CALD1: variants seen among roughly 807,000 people sequenced by gnomAD.
The protein encoded by CALD1 is caldesmon.
In CALD1, 33 loss-of-function variants were observed where a neutral mutation model predicts 99.9. The ratio of observed to expected loss-of-function variants is 0.33; its 90% CI spans 0.25 to 0.44. CALD1 has a LOEUF of 0.44. CALD1 is among the 20% of genes least tolerant of loss of function. The pLI is 1.00. For synonymous variants in CALD1, 310 were observed against 325.0 expected (o/e 0.95, Z 0.50); for missense variants, 861 against 962.1 (o/e 0.89, Z 1.39).
At chr7:134,764,812 C>T (rs1796811331) in intron 1 of CALD1, among the ~76,000 whole-genome samples, 1 of 152,060 alleles carries the variant, frequency 6.6e-6, no homozygotes. Flanking sequence ...AGACTGAAGT[C>T]ACTGAGGCAG....
chr7:134,731,061 C>T, the CALD1 span, among the ~76,000 whole-genome samples: 9 of 152,140 alleles, frequency 5.9e-5, no homozygotes, highest in African/African-American at 2.2e-4. Context: ...CTTCCTCCTC[C>T]ACAGCTAACC....
intron 3 of CALD1, among the ~76,000 whole-genome samples, chr7:134,919,172 G>C (rs946976025): frequency 6.6e-6 from 1 of 152,134 alleles, no homozygotes; most frequent in Non-Finnish European, 1.5e-5. Context: ...ATTCAGAAAT[G>C]AGCCTGTACG....
At chr7:134,958,147 G>A (rs1166892475) in intron 10 of CALD1, 35 bp downstream of exon 10, 1 of 1,607,122 alleles carries the variant, frequency 6.2e-7, no homozygotes, top group Admixed American at 1.7e-5. Context: ...GAGCTAATCA[G>A]CTAGCATATG....
intron 4 of CALD1, among the ~76,000 whole-genome samples, chr7:134,930,573 T>C (rs1805447418): frequency 6.6e-6 from 1 of 152,174 alleles, no homozygotes; most frequent in African/African-American, 2.4e-5. Flanking sequence ...GGTAGCACAA[T>C]ATTGTTTACC....
rs569907863 is a variant in CALD1 at position 134,928,694 on chromosome 7, A to G, written c.72-60A>G. On this transcript the variant is annotated intron_variant, in intron 3 of 14. Coordinates refer to ENST00000361675, the MANE Select transcript of CALD1 (RefSeq NM_033138.4). Reference sequence around the variant, plus strand: ...AGGGCTCAGGGCTGTTCCTGCCAAGAGGTTGGTGAAGACACGTGGCAAGTG... The same window carrying G: ...AGGGCTCAGGGCTGTTCCTGCCAAGGGGTTGGTGAAGACACGTGGCAAGTG... 90 of 1,540,344 alleles carry G rather than the reference A, an allele frequency of 5.8e-5. No homozygotes were observed. The East Asian group carries it at 1.4e-3, about 23-fold the overall frequency.
intron 1 of CALD1, among the ~76,000 whole-genome samples, chr7:134,751,061 T>A (rs1034202342): frequency 4.6e-5 from 7 of 152,196 alleles, no homozygotes; most frequent in African/African-American, 1.7e-4. Context: ...TCACTTACAA[T>A]GCACACTGAG....
chr7:134,750,227 A>AC (rs1254033163), intron 1 of CALD1, among the ~76,000 whole-genome samples: 1 of 150,638 alleles, frequency 6.6e-6, no homozygotes, highest in Non-Finnish European at 1.5e-5. Context: ...GGAGCAAGGA[A>AC]CCCCTGTCCC....
chr7:134,960,209 G>A (rs988669910), intron 12 of CALD1, 98 bp downstream of exon 12: 59 of 1,366,326 alleles, frequency 4.3e-5, no homozygotes, highest in Non-Finnish European at 5.7e-5. Context: ...TAAAAGCAGT[G>A]AAGAAGGTGC....
upstream of CALD1, among the ~76,000 whole-genome samples, chr7:134,742,970 C>T (rs1796603621): frequency 6.6e-6 from 1 of 152,192 alleles, no homozygotes; most frequent in Non-Finnish European, 1.5e-5. Flanking sequence ...GCCTACCTTT[C>T]TGCCTCAGTT....
intron 1 of CALD1, among the ~76,000 whole-genome samples, chr7:134,823,367 T>A (rs1798858341): frequency 6.6e-6 from 1 of 152,200 alleles, no homozygotes; most frequent in African/African-American, 2.4e-5. Context: ...GTCATCCACA[T>A]GTCTGGTTGA....
At chr7:134,756,676 T>C (rs1796733023) in intron 1 of CALD1, among the ~76,000 whole-genome samples, 1 of 152,204 alleles carries the variant, frequency 6.6e-6, no homozygotes, top group Non-Finnish European at 1.5e-5. Flanking sequence ...CAGATCTTGG[T>C]GTCCAGTGAA....
At chr7:134,732,666 G>A in the CALD1 span, among the ~76,000 whole-genome samples, 4 of 152,166 alleles carry the variant, frequency 2.6e-5, no homozygotes, top group Non-Finnish European at 5.9e-5. Flanking sequence ...CAGCCTGAAT[G>A]GACCAAGACA....
chr7:134,946,087 C>T (rs1246396459), intron 7 of CALD1, among the ~76,000 whole-genome samples: 4 of 152,136 alleles, frequency 2.6e-5, no homozygotes, highest in Non-Finnish European at 1.5e-5. Context: ...AGTAAGGCCA[C>T]TACAAGACTT....
At chr7:134,911,389 GCT>G (rs1420465780) in intron 3 of CALD1, among the ~76,000 whole-genome samples, 4 of 152,056 alleles carry the variant, frequency 2.6e-5, no homozygotes, top group Non-Finnish European at 4.4e-5. Flanking sequence ...GTGTATGTGT[GCT>G]CTGTGTGTGT....
At chr7:134,742,522 G>A (rs1211586413), upstream of CALD1, among the ~76,000 whole-genome samples, 1 of 152,194 alleles carries the variant, frequency 6.6e-6, no homozygotes, top group African/African-American at 2.4e-5. Flanking sequence ...GAGCAGTAGA[G>A]ATCTGCTGGC....
intron 9 of CALD1, among the ~76,000 whole-genome samples, chr7:134,953,608 G>T (rs1011411621): frequency 1.4e-5 from 2 of 147,830 alleles, no homozygotes; most frequent in Admixed American, 1.4e-4. Flanking sequence ...AACAGTCTTG[G>T]TAACATGAAG....
At chr7:134,718,715 T>C in the CALD1 span, among the ~76,000 whole-genome samples, 217 of 152,250 alleles carry the variant, frequency 1.4e-3, 1 homozygote, top group Admixed American at 4.1e-3. Context: ...CGTTGGCTAC[T>C]GCTGTTGTTG....
chr7:134,869,260 T>G (rs1227782844), intron 3 of CALD1, among the ~76,000 whole-genome samples: 1 of 152,012 alleles, frequency 6.6e-6, no homozygotes, highest in Non-Finnish European at 1.5e-5. Context: ...GAAATAAGAA[T>G]CCTGGTGCAA....
upstream of CALD1, among the ~76,000 whole-genome samples, chr7:134,776,990 A>T (rs1018584022): frequency 5.3e-5 from 8 of 152,160 alleles, no homozygotes; most frequent in Non-Finnish European, 7.4e-5. Context: ...ATAGACAAGG[A>T]GTCCTTTATC....
Sources: allele counts gnomAD v4.1 joint callset (sites outside exome capture counted in the v4.1 genomes callset), GRCh38; gene constraint gnomAD v4.1.1; transcripts MANE v1.5; gene names NCBI Gene and HGNC (gene_info 2026-07-23, HGNC 2026-07-21).